The following USP31 variants were observed in gnomAD, a reference collection of about 807,000 sequenced individuals.
USP31 encodes the protein ubiquitin specific peptidase 31.
USP31 carries 44 observed loss-of-function variants against 119.4 expected under a neutral mutation model. The ratio of observed to expected loss-of-function variants is 0.37; its 90% CI spans 0.29 to 0.47. The LOEUF is 0.47. Ranked by LOEUF, USP31 falls within the 20% of genes least tolerant of loss-of-function variation. The pLI is 0.99. For synonymous variants in USP31, 749 were observed against 705.6 expected, an observed-to-expected ratio of 1.06 and a Z score of -0.97; for missense variants, 1,643 against 1,730.2, an observed-to-expected ratio of 0.95 and a Z score of 0.89.
At chr16:23,137,616 T>C (rs887227125) in intron 1 of USP31, among the ~76,000 whole-genome samples, 1 of 151,490 alleles carries the variant, frequency 6.6e-6, no homozygotes, top group Non-Finnish European at 1.5e-5. Flanking sequence ...ATATGTGTTA[T>C]ACATATATAT....
chr16:23,132,316 C>T (rs1903053759), intron 1 of USP31, among the ~76,000 whole-genome samples: 1 of 151,578 alleles, frequency 6.6e-6, no homozygotes, highest in Admixed American at 6.6e-5. Context: ...TTATTTTCCC[C>T]TACTAAATAT....
intron 1 of USP31, among the ~76,000 whole-genome samples, chr16:23,123,283 A>G (rs1902736038): frequency 6.6e-6 from 1 of 152,156 alleles, no homozygotes; most frequent in Non-Finnish European, 1.5e-5. Context: ...CACGCCTGTA[A>G]TCCTCGGACT....
intron 9 of USP31, among the ~76,000 whole-genome samples, chr16:23,086,766 AG>A (rs1901127839): frequency 6.6e-6 from 1 of 152,214 alleles, no homozygotes; most frequent in African/African-American, 2.4e-5. Context: ...TTGCCATATA[AG>A]GGTTTTAAGG....
intron 14 of USP31, among the ~76,000 whole-genome samples, chr16:23,072,726 T>G (rs1900398328): frequency 6.6e-6 from 1 of 152,120 alleles, no homozygotes; most frequent in African/African-American, 2.4e-5. Context: ...AGGGACGCCC[T>G]TAAATATTTA....
rs1159913078 is a variant in USP31, at chr16:23,062,385, A to ATT, written c.*5660_*5661insAA. ...GCAATAAGGGTTTTTTTTTTTTAAA[A>ATT]AAAAGACACCAAAGAAAATGTTTCA... On this transcript the variant is annotated 3_prime_UTR_variant, in exon 16 of 16. Transcript: ENST00000219689. 19 of 142,852 alleles carry ATT rather than the reference A, an allele frequency of 1.3e-4. No homozygotes were observed. Among genetic ancestry groups the ATT allele is most frequent in the Non-Finnish European group, 2.2e-4 (14 of 63,342 alleles). 8.8% of individuals were successfully genotyped at this position (142,852 alleles called of 1,614,324 possible).
intron 15 of USP31, among the ~76,000 whole-genome samples, 175 bp downstream of exon 15, chr16:23,071,870 T>C (rs540700817): frequency 6.6e-6 from 1 of 152,302 alleles, no homozygotes; most frequent in Admixed American, 6.5e-5. Flanking sequence ...ATGACTCTGT[T>C]AATACAAAAT....
intron 1 of USP31, chr16:23,115,726 T>C (rs953053984): frequency 7.4e-6 from 7 of 945,868 alleles, no homozygotes; most frequent in African/African-American, 7.1e-5. Flanking sequence ...CCTTAGCATA[T>C]AGTTACTAAA....
At chr16:23,132,040 A>C (rs1338590560) in intron 1 of USP31, among the ~76,000 whole-genome samples, 1 of 152,222 alleles carries the variant, frequency 6.6e-6, no homozygotes, top group African/African-American at 2.4e-5. Context: ...GGAGGGAAGA[A>C]GCAACAGATG....
At chr16:23,118,903 G>A (rs988181981) in intron 1 of USP31, among the ~76,000 whole-genome samples, 1 of 151,748 alleles carries the variant, frequency 6.6e-6, no homozygotes, top group Admixed American at 6.6e-5. Flanking sequence ...AACCCAGGAG[G>A]CGGAGGTTGC....
At chr16:23,115,724 T>C (rs749163203) in intron 1 of USP31, 35 of 941,346 alleles carry the variant, frequency 3.7e-5, no homozygotes, top group Non-Finnish European at 4.3e-5. Flanking sequence ...ATCCTTAGCA[T>C]ATAGTTACTA....
rs1190409499 is a variant in USP31 at position 23,061,773 on chromosome 16, A to T, written c.*6273T>A. On this transcript the variant is annotated 3_prime_UTR_variant, in exon 16 of 16. Transcript: ENST00000219689. ...ATACCAAAGCACTTTGTGTACAGTGATGTGACATGCAGCTTTCAAGACAAC... is the reference window on the plus strand; with the variant it reads ...ATACCAAAGCACTTTGTGTACAGTGTTGTGACATGCAGCTTTCAAGACAAC... The T allele has an allele frequency of 6.6e-6, 1 of 152,522 alleles. No homozygotes were observed. The highest frequency in any genetic ancestry group is 2.4e-5 in the African/African-American group (1 of 41,458). The allele number at this position is 152,522 out of a possible 1,614,324, so 9.4% of individuals were successfully genotyped here.
intron 12 of USP31, 99 bp from the exon 13 acceptor site, chr16:23,080,270 TGA>T: frequency 9.9e-7 from 1 of 1,005,140 alleles, no homozygotes; most frequent in Non-Finnish European, 1.5e-6. Context: ...CAAAGCGGTG[TGA>T]GTTACCTATC....
At position 23,106,450 on chromosome 16, in the gene USP31, G is replaced by T; in HGVS notation, c.809C>A (p.Ser270Tyr). The T allele has an allele frequency of 6.2e-7, 1 of 1,613,704 alleles. No individual in the cohort carries two copies. The change falls in exon 3 of 16, where the codon TCT becomes TAT. Residue 270 changes from serine (S) to tyrosine (Y), a missense_variant. By Grantham distance (144) the Ser-to-Tyr change is moderately radical. Around this residue, in one of 5 missense-constraint regions of USP31, gnomAD observed 144 missense variants for 218.0 expected, o/e 0.66. Coordinates refer to ENST00000219689, the MANE Select transcript of USP31 (RefSeq NM_020718.4). ...SETDMMPEGPSFPVCSTFVQE... is the reference protein window; with the variant it reads ...SETDMMPEGPYFPVCSTFVQE... ...TACAAAAGTGCTACAGACAGGGAAA[G>T]ATGGTCCCTCAGGCATCATATCAGT...
chr16:23,103,809 G>C (rs1901982141), intron 5 of USP31, among the ~76,000 whole-genome samples: 1 of 152,164 alleles, frequency 6.6e-6, no homozygotes, highest in African/African-American at 2.4e-5. Context: ...CCACTACTTG[G>C]GAAGCTGAGG....
At chr16:23,148,575 C>A in intron 1 of USP31, 63 bp downstream of exon 1, 3 of 1,399,264 alleles carry the variant, frequency 2.1e-6, no homozygotes, top group Non-Finnish European at 2.8e-6. Flanking sequence ...GAAGGAAGAC[C>A]TGGGCGGGCA....
chr16:23,104,761 T>C (rs1211944570), intron 5 of USP31, among the ~76,000 whole-genome samples: 1 of 152,188 alleles, frequency 6.6e-6, no homozygotes, highest in Non-Finnish European at 1.5e-5. Context: ...TTAATAAATC[T>C]TAAGTAAGGA....
At chr16:23,135,148 A>C (rs907506025) in intron 1 of USP31, among the ~76,000 whole-genome samples, 4 of 151,786 alleles carry the variant, frequency 2.6e-5, no homozygotes, top group Non-Finnish European at 5.9e-5. Context: ...AAAAAAAAAA[A>C]AAAAAAACAC....
intron 1 of USP31, among the ~76,000 whole-genome samples, chr16:23,148,182 C>T (rs930307898): frequency 1.3e-5 from 2 of 152,148 alleles, no homozygotes; most frequent in African/African-American, 4.8e-5. Context: ...AATATATTAA[C>T]TTGTTTGCAG....
chr16:23,126,862 A>G (rs1902875630), intron 1 of USP31, among the ~76,000 whole-genome samples: 1 of 152,186 alleles, frequency 6.6e-6, no homozygotes, highest in African/African-American at 2.4e-5. Context: ...TATCTAAATA[A>G]GAGAGAACAT....
Sources: gnomAD v4.1 joint callset for allele counts (sites outside exome capture counted in the v4.1 genomes callset) on GRCh38, gnomAD v4.1.1 for gene constraint, gnomAD v4.1.1 regional missense constraint, MANE v1.5 for transcripts, NCBI Gene and HGNC (gene_info 2026-07-23, HGNC 2026-07-21) for gene names.